Variants in PKIB observed in about 807,000 individuals in gnomAD.
PKIB encodes the protein PKI-beta.
In PKIB, 2 loss-of-function variants were observed where a neutral mutation model predicts 4.5. That is an observed-to-expected ratio of 0.44 (90% CI 0.18 to 1.39). PKIB has a LOEUF of 1.39. PKIB is among the 40% of genes most tolerant of loss of function. PKIB has a pLI of 0.27. For synonymous variants in PKIB, 38 were observed against 36.0 expected (o/e 1.06, Z -0.20); for missense variants, 94 against 92.6 (o/e 1.02, Z -0.06).
At chr6:122,546,597 G>A (rs557186658) in intron 2 of PKIB, among the ~76,000 whole-genome samples, 1 of 152,166 alleles carries the variant, frequency 6.6e-6, no homozygotes, top group South Asian at 2.1e-4. Context: ...TGGACATCAT[G>A]CTTAAACTGT....
intron 2 of PKIB, among the ~76,000 whole-genome samples, chr6:122,573,842 T>C (rs1428720825): frequency 1.3e-5 from 2 of 152,174 alleles, no homozygotes; most frequent in Admixed American, 1.3e-4. Flanking sequence ...GTTGAAAGGA[T>C]TCCCCCTGAG....
At chr6:122,695,977 A>G (rs977945285) in intron 3 of PKIB, among the ~76,000 whole-genome samples, 5 of 152,192 alleles carry the variant, frequency 3.3e-5, no homozygotes, top group Non-Finnish European at 7.3e-5. Context: ...AATTAAGAGT[A>G]GCTGTTCTAC....
intron 2 of PKIB, among the ~76,000 whole-genome samples, chr6:122,576,687 AAAATAT>A (rs1172063851): frequency 6.1e-4 from 11 of 18,128 alleles, no homozygotes; most frequent in African/African-American, 2.6e-3. Context: ...AAAAAAAAAA[AAAATAT>A]ATATATATAT....
intron 2 of PKIB, among the ~76,000 whole-genome samples, chr6:122,667,694 CT>C (rs1777288434): frequency 6.6e-6 from 1 of 152,104 alleles, no homozygotes; most frequent in African/African-American, 2.4e-5. Flanking sequence ...TTAAAAGTTA[CT>C]TCTTTTATTG....
chr6:122,504,673 A>T (rs1455871416), intron 2 of PKIB, among the ~76,000 whole-genome samples: 1 of 152,212 alleles, frequency 6.6e-6, no homozygotes, highest in East Asian at 1.9e-4. Flanking sequence ...TTAAAAATTA[A>T]AATTTTACCC....
intron 3 of PKIB, among the ~76,000 whole-genome samples, chr6:122,590,201 A>G (rs1371818291): frequency 2.0e-5 from 3 of 152,150 alleles, no homozygotes. Context: ...TTTTGAAATG[A>G]TGCCTTATTT....
At position 122,555,919 on chromosome 6, in the gene PKIB, G is replaced by A. The variant is rs1772822893; in HGVS notation, c.-247-30002G>A. On this transcript the variant is annotated intron_variant, in intron 2 of 6. Transcript: ENST00000392491. The stretch of plus-strand genomic sequence containing the variant: ...ATATCACACAAAAGTTCAGGGGCTT[G>A]TCACCTTGGTGAAACTTATTGTGGT... 2.0e-5 allele frequency among the ~76,000 whole-genome samples: 3 copies of A among 152,320 alleles called. No individual in the cohort carries two copies. The Middle Eastern group carries it at 0.01, about 518-fold the overall frequency.
intron 2 of PKIB, among the ~76,000 whole-genome samples, chr6:122,549,080 C>A (rs1772589117): frequency 6.6e-6 from 1 of 152,084 alleles, no homozygotes; most frequent in African/African-American, 2.4e-5. Context: ...AGTTTACTTT[C>A]CCCCTTTGAG....
At chr6:122,658,180 T>C (rs1348023256) in intron 2 of PKIB, among the ~76,000 whole-genome samples, 1 of 152,136 alleles carries the variant, frequency 6.6e-6, no homozygotes, top group Non-Finnish European at 1.5e-5. Context: ...GGTTCTGGAA[T>C]AATTAATTGA....
Position 122,690,187 on chromosome 6 carries a change from C to CTT in PKIB, c.-9+15053_-9+15054dup, listed in dbSNP as rs574935158. Among the ~76,000 whole-genome samples, 3 of 142,242 alleles carry CTT rather than the reference C, an allele frequency of 2.1e-5. No homozygotes were observed. In the South Asian group the frequency reaches 6.8e-4, roughly 32 times the overall value. 93.3% of individuals were successfully genotyped at this position (142,242 alleles called of 152,430 possible). ...ATAGGCAACAGATCATTGGGTCTTT[C>CTT]TTTTTTTTTTTAATCCATTCAACCA... On this transcript the variant is annotated intron_variant, in intron 3 of 4. Coordinates refer to ENST00000368452, the MANE Select transcript of PKIB (RefSeq NM_181795.3).
chr6:122,645,489 G>T (rs1486685080), intron 2 of PKIB, among the ~76,000 whole-genome samples: 1 of 152,222 alleles, frequency 6.6e-6, no homozygotes, highest in Non-Finnish European at 1.5e-5. Context: ...GGACCAGCAA[G>T]GTGCAGCAGA....
intron 3 of PKIB, among the ~76,000 whole-genome samples, chr6:122,713,648 A>C (rs1289816584): frequency 2.0e-5 from 3 of 152,204 alleles, no homozygotes; most frequent in Non-Finnish European, 4.4e-5. Flanking sequence ...CATTTGGTTA[A>C]ATTTTCAAAA....
chr6:122,509,652 C>T lies in PKIB; in HGVS notation c.-248+31713C>T, dbSNP rs12198344. On this transcript the variant is annotated intron_variant, in intron 2 of 6. Coordinates refer to the PKIB transcript ENST00000392491. ...TTCACCATGTTAGCCAGGATGGTGT[C>T]GATCTCCTGACCTCGTGATCTGCCC... Among the ~76,000 whole-genome samples, 919 of 151,098 alleles carry T rather than the reference C, an allele frequency of 6.1e-3. 6 individuals are homozygous for T. The highest frequency in any genetic ancestry group is 0.017 in the African/African-American group (719 of 41,102).
At chr6:122,724,109 C>T (rs9401578) in intron 4 of PKIB, among the ~76,000 whole-genome samples, 118,625 of 152,098 alleles carry the variant, frequency 0.78, 46,638 homozygotes, top group East Asian at 0.89. Flanking sequence ...CACTTAAAAA[C>T]GGAGACAACA....
chr6:122,503,602 A>G (rs372500470), intron 2 of PKIB, among the ~76,000 whole-genome samples: 4 of 152,092 alleles, frequency 2.6e-5, no homozygotes, highest in South Asian at 2.1e-4. Flanking sequence ...AGCTTCCTTC[A>G]GGAAGGATTT....
chr6:122,542,367 G>A (rs1777632144), intron 2 of PKIB, among the ~76,000 whole-genome samples: 1 of 151,980 alleles, frequency 6.6e-6, no homozygotes, highest in South Asian at 2.1e-4. Context: ...TTTTGGTGTG[G>A]ATGTCCTTTC....
At chr6:122,694,684 G>T (rs756035799) in intron 3 of PKIB, among the ~76,000 whole-genome samples, 1 of 152,072 alleles carries the variant, frequency 6.6e-6, no homozygotes, top group Non-Finnish European at 1.5e-5. Context: ...GATTATGATG[G>T]CAAAGCTATA....
chr6:122,571,047 TAAA>T (rs57706158), intron 2 of PKIB, among the ~76,000 whole-genome samples: 29,494 of 150,630 alleles, frequency 0.2, 3,061 homozygotes, highest in African/African-American at 0.26. Context: ...ATGGATATCA[TAAA>T]AAAAAACAAT....
chr6:122,473,494 T>C (rs1424421217), intron 1 of PKIB, among the ~76,000 whole-genome samples: 1 of 152,182 alleles, frequency 6.6e-6, no homozygotes, highest in African/African-American at 2.4e-5. Flanking sequence ...TTGAAATACA[T>C]TAAAAAAAAT....
Sources: allele counts gnomAD v4.1 joint callset (sites outside exome capture counted in the v4.1 genomes callset), GRCh38; gene constraint gnomAD v4.1.1; transcripts MANE v1.5; gene names NCBI Gene and HGNC (gene_info 2026-07-23, HGNC 2026-07-21).